Variants in MAP2K5 observed in about 807,000 individuals in gnomAD.
The protein encoded by MAP2K5 is dual specificity mitogen-activated protein kinase kinase 5.
A neutral mutation model predicts 83.1 loss-of-function variants in MAP2K5; 49 were observed. The observed-to-expected ratio is 0.59, with a 90% CI of 0.47 to 0.75. MAP2K5 has a LOEUF of 0.75. Ranked by LOEUF, MAP2K5 falls within the 30% of genes least tolerant of loss-of-function variation. The pLI is 0.00. For missense variants in MAP2K5, 457 were observed against 557.5 expected, an observed-to-expected ratio of 0.82 and a Z score of 1.82; for synonymous variants, 202 against 191.8, an observed-to-expected ratio of 1.05 and a Z score of -0.44.
intron 7 of MAP2K5, among the ~76,000 whole-genome samples, chr15:67,598,307 C>T (rs1005757381): frequency 1.3e-5 from 2 of 152,094 alleles, no homozygotes; most frequent in African/African-American, 2.4e-5. Flanking sequence ...TATAGGAACA[C>T]GTTGCTCACT....
chr15:67,698,830 T>C lies in MAP2K5; in HGVS notation c.973-4507T>C, dbSNP rs1265578809. Among the ~76,000 whole-genome samples the C allele has an allele frequency of 6.6e-6, 1 of 152,188 alleles. No individual in the cohort carries two copies. Among genetic ancestry groups the C allele is most frequent in the Non-Finnish European group, 1.5e-5 (1 of 68,024 alleles). On this transcript the variant is annotated intron_variant, in intron 15 of 21. Coordinates refer to ENST00000178640, the MANE Select transcript of MAP2K5 (RefSeq NM_145160.3). This position sits in a 1 kb window ranked among gnomAD's most constrained non-coding sequence, Gnocchi z 4.5. ...CATGCGATGGTAGTAATGGTAGTGG[T>C]GGTGACTGGAAGGAGGCTAACATTA...
chr15:67,789,639 G>A (rs1285450524), intron 21 of MAP2K5, among the ~76,000 whole-genome samples: 5 of 151,768 alleles, frequency 3.3e-5, no homozygotes, highest in Non-Finnish European at 5.9e-5. Context: ...GCTTGAACCC[G>A]GGGAGGTGGA....
rs558489581 is a variant in MAP2K5 at position 67,775,561 on chromosome 15, G to A, written c.1242+2809G>A. ...TGTGCACAGTCTTGTTCTAGACTCA[G>A]CAGAAGATATAAAGTAGAGGAAGCC... On this transcript the variant is annotated intron_variant, in intron 21 of 21. Transcript: ENST00000178640. The surrounding 1 kb of genome is among the most constrained non-coding windows in gnomAD (Gnocchi z 5.3). Among the ~76,000 whole-genome samples the A allele has an allele frequency of 1.3e-5, 2 of 152,346 alleles. No individual in the cohort carries two copies. Among genetic ancestry groups the A allele is most frequent in the South Asian group, 4.1e-4 (2 of 4,820 alleles).
rs150402971 is a variant in MAP2K5 at position 67,580,909 on chromosome 15, A to G, written c.322+86A>G. On this transcript the variant is annotated intron_variant, in intron 4 of 21. Transcript: ENST00000178640. Reference sequence around the variant, plus strand: ...TATGTTTCCAAAGGTTTAAATGCACATAACATGATGTTTAGCTCTTAATTC... The same window carrying G: ...TATGTTTCCAAAGGTTTAAATGCACGTAACATGATGTTTAGCTCTTAATTC... 4.2e-5 allele frequency: 37 copies of G among 885,162 alleles called. 1 individual carries two copies. In the East Asian group the frequency reaches 7.6e-4, roughly 18 times the overall value. 54.8% of individuals were successfully genotyped at this position (885,162 alleles called of 1,614,324 possible).
At chr15:67,581,396 T>C (rs532584314) in intron 4 of MAP2K5, among the ~76,000 whole-genome samples, 1 of 152,340 alleles carries the variant, frequency 6.6e-6, no homozygotes, top group African/African-American at 2.4e-5. Context: ...TTTTCCCTTT[T>C]AGGTTTGGCA....
intron 16 of MAP2K5, among the ~76,000 whole-genome samples, chr15:67,710,150 G>A (rs3784694): frequency 0.17 from 25,951 of 151,936 alleles, 2,867 homozygotes; most frequent in African/African-American, 0.32. Flanking sequence ...GTGCACCACC[G>A]CACCCATCTG....
At chr15:67,681,266 G>A (rs1176222780) in intron 13 of MAP2K5, among the ~76,000 whole-genome samples, 1 of 152,172 alleles carries the variant, frequency 6.6e-6, no homozygotes, top group Non-Finnish European at 1.5e-5. Context: ...TCCAACACTG[G>A]CAAGGTTGTC....
At chr15:67,714,452 AAAAC>A (rs1479997583) in intron 16 of MAP2K5, among the ~76,000 whole-genome samples, 1 of 112,922 alleles carries the variant, frequency 8.9e-6, no homozygotes, top group African/African-American at 3.2e-5. Flanking sequence ...AAAAAAAAAA[AAAAC>A]CACCACCCTG....
chr15:67,588,033 G>A (rs2085324371), intron 6 of MAP2K5: 1 of 943,590 alleles, frequency 1.1e-6, no homozygotes, highest in Admixed American at 6.2e-5. Context: ...TGCAGCTGGA[G>A]CCATCTTGCC....
At chr15:67,667,652 T>TA (rs529578861) in intron 13 of MAP2K5, among the ~76,000 whole-genome samples, 27 of 142,174 alleles carry the variant, frequency 1.9e-4, no homozygotes, top group African/African-American at 3.9e-4. Flanking sequence ...AAAACCAGAG[T>TA]AAAAAAAAAA....
chr15:67,623,691 G>A (rs185379467), intron 8 of MAP2K5, among the ~76,000 whole-genome samples: 121 of 150,610 alleles, frequency 8.0e-4, no homozygotes, highest in Middle Eastern at 3.4e-3. Context: ...TCCACCTCCT[G>A]GGTTCAAATG....
At chr15:67,628,517 A>G in intron 8 of MAP2K5, 1 of 747,996 alleles carries the variant, frequency 1.3e-6, no homozygotes, top group Non-Finnish European at 2.3e-6. Flanking sequence ...AAAGACACTG[A>G]GGAATATCAC....
intron 8 of MAP2K5, among the ~76,000 whole-genome samples, chr15:67,625,914 A>G (rs1323412920): frequency 6.6e-6 from 1 of 152,186 alleles, no homozygotes; most frequent in Non-Finnish European, 1.5e-5. Flanking sequence ...TTAAGTTGCC[A>G]AACTGTCCAG....
chr15:67,661,097 G>A (rs780781499), intron 12 of MAP2K5, among the ~76,000 whole-genome samples: 4 of 151,960 alleles, frequency 2.6e-5, no homozygotes, highest in Non-Finnish European at 4.4e-5. Context: ...GACCTCTGTT[G>A]ACCTCTGTGA....
rs138620205 is a variant in MAP2K5 at position 67,720,458 on chromosome 15, A to G, written c.1045-7458A>G. 1.3e-3 allele frequency among the ~76,000 whole-genome samples: 202 copies of G among 152,292 alleles called. 2 individuals are homozygous for G. The highest frequency in any genetic ancestry group is 4.6e-3 in the African/African-American group (191 of 41,546). On this transcript the variant is annotated intron_variant, in intron 16 of 21. Transcript: ENST00000178640. The surrounding 1 kb of genome is among the most constrained non-coding windows in gnomAD (Gnocchi z 5.7). ...TGTGTTTTGGGACAGCAGGGTTAGA[A>G]AGACCAAGAAACATTTAAAGATTCA...
At chr15:67,789,094 G>A (rs1156231626) in intron 21 of MAP2K5, among the ~76,000 whole-genome samples, 1 of 151,948 alleles carries the variant, frequency 6.6e-6, no homozygotes. Flanking sequence ...AGTAGCTTGG[G>A]TATCCTTCTA....
intron 7 of MAP2K5, among the ~76,000 whole-genome samples, chr15:67,596,947 G>A (rs994665836): frequency 3.9e-5 from 6 of 152,042 alleles, no homozygotes; most frequent in Non-Finnish European, 5.9e-5. Flanking sequence ...CGAGTCGGGC[G>A]GATCACGAGG....
chr15:67,795,855 G>T (rs1306379921), intron 21 of MAP2K5, among the ~76,000 whole-genome samples: 1 of 152,102 alleles, frequency 6.6e-6, no homozygotes, highest in African/African-American at 2.4e-5. Flanking sequence ...GTTTCTCCTT[G>T]CATTCCTGTC....
intron 1 of MAP2K5, among the ~76,000 whole-genome samples, chr15:67,544,522 C>T (rs1184807830): frequency 1.3e-5 from 2 of 152,080 alleles, no homozygotes; most frequent in African/African-American, 4.8e-5. Context: ...GAGTCAGTAC[C>T]AGAACTAAAA....
Sources: gnomAD v4.1 joint callset for allele counts (sites outside exome capture counted in the v4.1 genomes callset) on GRCh38, gnomAD v4.1.1 for gene constraint, Gnocchi (gnomAD v3.1) non-coding constraint, MANE v1.5 for transcripts, NCBI Gene and HGNC (gene_info 2026-07-23, HGNC 2026-07-21) for gene names.